The following CD55 variants were observed in gnomAD, a reference collection of about 807,000 sequenced individuals.
The protein encoded by CD55 is CD55 molecule (Cromer blood group).
Under a neutral mutation model 45.8 loss-of-function variants are expected in CD55, and 41 were observed. The ratio of observed to expected loss-of-function variants is 0.90; its 90% CI spans 0.70 to 1.16. The LOEUF (loss-of-function observed/expected upper bound fraction) is 1.16, where lower values mean the gene tolerates loss of function less well. Among genes scored for constraint, CD55 ranks in the 50% most tolerant of loss-of-function variants. The probability of loss-of-function intolerance (pLI) is 0.00; values close to 1 mark genes in which losing one functional copy is unlikely to be tolerated. For missense variants in CD55, 416 were observed against 469.8 expected, an observed-to-expected ratio of 0.89 and a Z score of 1.06; for synonymous variants, 181 against 181.1, an observed-to-expected ratio of 1.00 and a Z score of 0.01.
At chr1:207,326,963 T>A in intron 5 of CD55, 126 bp downstream of exon 5, 1 of 553,678 alleles carries the variant, frequency 1.8e-6, no homozygotes, top group Non-Finnish European at 3.2e-6. Context: ...AATATATGAG[T>A]GCTTTGCTAA....
intron 2 of CD55, among the ~76,000 whole-genome samples, chr1:207,323,988 C>G (rs1287232646): frequency 6.6e-6 from 1 of 152,178 alleles, no homozygotes; most frequent in Non-Finnish European, 1.5e-5. Flanking sequence ...TTGACCATGC[C>G]TCTCTAGATT....
chr1:207,353,095 C>G (rs1427900037), intron 9 of CD55, among the ~76,000 whole-genome samples: 1 of 132,160 alleles, frequency 7.6e-6, no homozygotes, highest in Non-Finnish European at 1.5e-5. Flanking sequence ...ACTCTGTCAC[C>G]CAGGCTGGTG....
At chr1:207,336,912 AT>A in intron 7 of CD55, 94 bp downstream of exon 7, 1 of 1,414,094 alleles carries the variant, frequency 7.1e-7, no homozygotes, top group South Asian at 1.2e-5. Context: ...ACCACAGTAA[AT>A]GTCCCAGCTA....
At chr1:207,339,502 C>A in intron 9 of CD55, 85 bp downstream of exon 9, 1 of 1,069,262 alleles carries the variant, frequency 9.4e-7, no homozygotes, top group African/African-American at 1.6e-5. Flanking sequence ...ATATTGTCTT[C>A]TTGTTTTTAA....
chr1:207,327,572 C>T (rs549828629), intron 5 of CD55, among the ~76,000 whole-genome samples: 1 of 152,266 alleles, frequency 6.6e-6, no homozygotes, highest in South Asian at 2.1e-4. Flanking sequence ...AAAATGTAGG[C>T]TTGCTTTCTT....
At chr1:207,330,716 G>A (rs1654904526) in intron 5 of CD55, among the ~76,000 whole-genome samples, 1 of 152,128 alleles carries the variant, frequency 6.6e-6, no homozygotes. Context: ...TACATATTAG[G>A]TTTAAACTCA....
At chr1:207,337,251 G>A (rs10746463) in intron 7 of CD55, 78 bp from the exon 8 acceptor site, 639,111 of 932,012 alleles carry the variant, frequency 0.69, 221,753 homozygotes, top group Middle Eastern at 0.81. Context: ...TCAGCAGCAC[G>A]TAAGTCCACT....
At chr1:207,340,337 T>G in intron 9 of CD55, 1 of 452,496 alleles carries the variant, frequency 2.2e-6, no homozygotes, top group South Asian at 3.9e-5. Context: ...CTATATATGC[T>G]AGATTTGTTT....
intron 4 of CD55, 70 bp from the exon 5 acceptor site, chr1:207,326,682 C>T (rs1462220210): frequency 9.1e-7 from 1 of 1,096,478 alleles, no homozygotes; most frequent in East Asian, 2.4e-5. Flanking sequence ...AGATAATAAC[C>T]TGGAGAATTT....
chr1:207,339,621 A>C (rs1655332914), intron 9 of CD55, among the ~76,000 whole-genome samples: 1 of 152,200 alleles, frequency 6.6e-6, no homozygotes, highest in African/African-American at 2.4e-5. Flanking sequence ...GCTCGGATTC[A>C]GCAATTTTCA....
intron 9 of CD55, among the ~76,000 whole-genome samples, chr1:207,346,002 G>A (rs1007316191): frequency 6.6e-6 from 1 of 152,236 alleles, no homozygotes. Flanking sequence ...GATGTTGCTG[G>A]CACCAGTGTT....
At position 207,324,600 on chromosome 1, in the gene CD55, A is replaced by C; in HGVS notation, c.328A>C (p.Lys110Gln). 6.3e-7 allele frequency: 1 copy of C among 1,597,414 alleles called. No homozygotes were observed. Among genetic ancestry groups the C allele is most frequent in the Non-Finnish European group, 8.5e-7 (1 of 1,172,066 alleles). ...AACAAGGCTAAATTCTGCATCCCTC[A>C]AACAGCCTTATATCACTCAGAATTA... ...VPTRLNSASLKQPYITQNYFP... is the reference protein window; with the variant it reads ...VPTRLNSASLQQPYITQNYFP... Residue 110 changes from lysine to glutamine, a missense_variant, in exon 3 of 10, where the codon AAA (lysine) becomes CAA (glutamine). Lys to Gln is a moderately conservative substitution (Grantham distance 53, BLOSUM62 1). Around this residue, in one of 3 missense-constraint regions of CD55, gnomAD observed 111 missense variants for 163.4 expected, o/e 0.68. Coordinates refer to ENST00000367064, the MANE Select transcript of CD55 (RefSeq NM_000574.5).
rs761117288 is a variant in CD55, at chr1:207,336,828, C to T, written c.979+10C>T. 1.2e-6 allele frequency: 2 copies of T among 1,613,540 alleles called. No homozygotes were observed. The highest frequency in any genetic ancestry group is 1.7e-6 in the Non-Finnish European group (2 of 1,179,726). ...ACACCAAATGCTCAAGGTACAGAGA[C>T]TCCATCAGTTCTTCAAAAACACACC... is the stretch of plus-strand genomic sequence containing the variant. On this transcript the variant is annotated intron_variant, in intron 7 of 9. Transcript: ENST00000367064.
Position 207,336,736 on chromosome 1 carries a change from T to G in CD55, c.897T>G (p.Pro299=), listed in dbSNP as rs778218013. 2.5e-6 allele frequency: 4 copies of G among 1,613,742 alleles called. No individual in the cohort carries two copies. The African/African-American group carries it at 4.0e-5, about 16-fold the overall frequency. Residue 299 remains proline (P), a synonymous_variant, in exon 7 of 10, where the codon CCT becomes CCG. Coordinates refer to ENST00000367064, the MANE Select transcript of CD55 (RefSeq NM_000574.5). ...AGGTCCCACCAACAGTTCAGAAACC[T>G]ACCACAGTAAATGTTCCAACTACAG... ...TSKVPPTVQK[P]TTVNVPTTEV... is the part of the protein sequence containing the mutation.
intron 9 of CD55, among the ~76,000 whole-genome samples, chr1:207,348,272 G>A (rs149982307): frequency 6.6e-6 from 1 of 152,304 alleles, no homozygotes; most frequent in African/African-American, 2.4e-5. Flanking sequence ...TGTCTGCTAT[G>A]AGATGGTATC....
At chr1:207,350,199 A>G (rs1000656536) in intron 9 of CD55, 3 of 432,410 alleles carry the variant, frequency 6.9e-6, no homozygotes, top group South Asian at 1.7e-5. Context: ...CTTGCATCCC[A>G]GGAATAAAGC....
rs572585423 is a variant in CD55 at position 207,325,606 on chromosome 1, T to C, written c.479-16T>C. The C allele has an allele frequency of 2.6e-6, 4 of 1,521,680 alleles. No homozygotes were observed. Among genetic ancestry groups the C allele is most frequent in the South Asian group, 1.1e-5 (1 of 87,548 alleles). 94.3% of individuals were successfully genotyped at this position (1,521,680 alleles called of 1,614,324 possible). On this transcript the variant is annotated splice_polypyrimidine_tract_variant and intron_variant, in intron 3 of 9. Transcript: ENST00000367064. ...GATAATTTAATTTTAAAAAATCAAT[T>C]TGTATTCTATTCTAGAGAAATCATG...
chr1:207,340,502 A>T (rs1256609522), intron 9 of CD55: 1 of 691,630 alleles, frequency 1.4e-6, no homozygotes, highest in African/African-American at 1.8e-5. Context: ...AGTAGCTGGT[A>T]CTACAGGTGT....
chr1:207,339,572 T>C (rs1300294085), intron 9 of CD55, among the ~76,000 whole-genome samples, 155 bp downstream of exon 9: 1 of 152,138 alleles, frequency 6.6e-6, no homozygotes. Context: ...TAAACGTCAC[T>C]CAAATAGGGA....
Sources: gnomAD v4.1 joint callset for allele counts (sites outside exome capture counted in the v4.1 genomes callset) on GRCh38, gnomAD v4.1.1 for gene constraint, gnomAD v4.1.1 regional missense constraint, MANE v1.5 for transcripts, NCBI Gene and HGNC (gene_info 2026-07-23, HGNC 2026-07-21) for gene names.